Variants in SHROOM2 observed in about 807,000 individuals in gnomAD.
SHROOM2 encodes shroom family member 2, also known as protein Shroom2.
In SHROOM2, 33 loss-of-function variants were observed where a neutral mutation model predicts 75.9. The ratio of observed to expected loss-of-function variants is 0.43; its 90% CI spans 0.33 to 0.58. The LOEUF is 0.58. Ranked by LOEUF, SHROOM2 falls within the 20% of genes least tolerant of loss-of-function variation. The probability of loss-of-function intolerance (pLI) is 0.04; values close to 1 mark genes in which losing one functional copy is unlikely to be tolerated. For missense variants in SHROOM2, 1,434 were observed against 1,461.2 expected, an observed-to-expected ratio of 0.98 and a Z score of 0.30; for synonymous variants, 655 against 663.6, an observed-to-expected ratio of 0.99 and a Z score of 0.20.
At chrX:9,800,332 GTATTAT>G (rs572234520) in intron 1 of SHROOM2, among the ~76,000 whole-genome samples, 1,134 of 109,073 alleles carry the variant, frequency 0.01, 21 homozygotes, top group African/African-American at 0.036. Flanking sequence ...TTTATTTTAT[GTATTAT>G]TATTATTATT....
chrX:9,909,926 GCTGT>G (rs2084412736), intron 5 of SHROOM2, among the ~76,000 whole-genome samples: 1 of 111,760 alleles, frequency 8.9e-6, no homozygotes, highest in Admixed American at 9.5e-5. Flanking sequence ...CTCACAAATG[GCTGT>G]CTCTCTGCTG....
chrX:9,886,827 T>C (rs1248352050), intron 2 of SHROOM2, among the ~76,000 whole-genome samples: 1 of 112,370 alleles, frequency 8.9e-6, no homozygotes, highest in Admixed American at 9.4e-5. Flanking sequence ...CCACATTTTG[T>C]TTGTCCATTC....
chrX:9,892,404 T>TG (rs1177549145), intron 3 of SHROOM2, among the ~76,000 whole-genome samples: 2 of 109,112 alleles, frequency 1.8e-5, no homozygotes, highest in African/African-American at 6.8e-5. Context: ...GTGTATTTTT[T>TG]GGGGAAAAAA....
Position 9,893,983 on chromosome X carries a change from A to G in SHROOM2, c.450-375A>G, listed in dbSNP as rs760161423. 4.4e-4 allele frequency among the ~76,000 whole-genome samples: 48 copies of G among 110,260 alleles called. 1 individual carries two copies. The South Asian group carries it at 0.018, about 42-fold the overall frequency. On this transcript the variant is annotated intron_variant, in intron 3 of 9. Coordinates refer to ENST00000380913, the MANE Select transcript of SHROOM2 (RefSeq NM_001649.4). ...AAAAAAAAAACCAAAATCAACAACAACAACAACCTGAGTTGTGGTGTGGCC... is the reference window on the plus strand; with the variant it reads ...AAAAAAAAAACCAAAATCAACAACAGCAACAACCTGAGTTGTGGTGTGGCC...
At chrX:9,790,811 C>G (rs2083643463) in intron 1 of SHROOM2, among the ~76,000 whole-genome samples, 1 of 111,358 alleles carries the variant, frequency 9.0e-6, no homozygotes, top group Admixed American at 9.6e-5. Context: ...TCTTTATTAC[C>G]TTTTCCCAGC....
chrX:9,829,295 A>G (rs1427372230), intron 1 of SHROOM2, among the ~76,000 whole-genome samples: 1 of 112,453 alleles, frequency 8.9e-6, no homozygotes, highest in East Asian at 2.8e-4. Context: ...AAGTGCTGAG[A>G]TTACAGGCAT....
rs1194223897 is a variant in SHROOM2 at position 9,946,947 on chromosome X, C to A, written c.*10C>A. The stretch of plus-strand genomic sequence containing the variant: ...CGAAAGGGGCAAATAAGAGACCAGT[C>A]CCCGGTGGAGGAGGGGCACGGGGCC... On this transcript the variant is annotated 3_prime_UTR_variant, in exon 10 of 10. Coordinates refer to ENST00000380913, the MANE Select transcript of SHROOM2 (RefSeq NM_001649.4). 2 of 1,181,645 alleles carry A rather than the reference C, an allele frequency of 1.7e-6. No individual in the cohort carries two copies. Among genetic ancestry groups the A allele is most frequent in the Non-Finnish European group, 2.3e-6 (2 of 878,738 alleles).
intron 5 of SHROOM2, among the ~76,000 whole-genome samples, chrX:9,926,710 G>A (rs939560792): frequency 4.5e-5 from 5 of 111,387 alleles, no homozygotes; most frequent in African/African-American, 1.6e-4. Context: ...GCTTTATGAT[G>A]GTTCGGTGGA....
chrX:9,895,959 T>A lies in SHROOM2; in HGVS notation c.2051T>A (p.Leu684Gln). The stretch of plus-strand genomic sequence containing the variant: ...CTCGCTGGCACCTATAAAGACCACC[T>A]GAAAGAGGCCCAAGCCCGGGTCCTG... ...GPLAGTYKDH[L>Q]KEAQARVLRA... is the part of the protein sequence containing the mutation. The change falls in exon 4 of 10, where the codon CTG (leucine) becomes CAG (glutamine). Residue 684 changes from leucine to glutamine, a missense_variant. Leu to Gln is a moderately radical substitution (Grantham distance 113). Transcript: ENST00000380913. 1.7e-6 allele frequency: 2 copies of A among 1,198,058 alleles called. No individual in the cohort carries two copies. The highest frequency in any genetic ancestry group is 2.2e-6 in the Non-Finnish European group (2 of 888,919).
intron 1 of SHROOM2, among the ~76,000 whole-genome samples, chrX:9,844,460 C>T (rs1398427977): frequency 9.1e-6 from 1 of 110,303 alleles, no homozygotes; most frequent in East Asian, 2.8e-4. Flanking sequence ...TGCAGTGAGC[C>T]ATGATCACAC....
intron 1 of SHROOM2, among the ~76,000 whole-genome samples, chrX:9,825,413 G>C (rs926994971): frequency 2.7e-5 from 3 of 112,336 alleles, no homozygotes; most frequent in South Asian, 3.7e-4. Flanking sequence ...GTAAGACTTT[G>C]GGTTTTCACA....
Position 9,947,213 on chromosome X carries a change from G to C in SHROOM2, c.*276G>C. 2 of 352,017 alleles carry C rather than the reference G, an allele frequency of 5.7e-6. No homozygotes were observed. Among genetic ancestry groups the C allele is most frequent in the South Asian group, 5.8e-5 (1 of 17,243 alleles). 29.0% of individuals were successfully genotyped at this position (352,017 alleles called of 1,213,427 possible). On this transcript the variant is annotated 3_prime_UTR_variant, in exon 10 of 10. Transcript: ENST00000380913. ...TGTGAGTTTCCACTGCATGGGCTGT[G>C]GGCTGGGCCTGTGGTGCCTGCCGAG...
In SHROOM2 at chrX:9,948,078, A is replaced by C. The variant is rs2084838332; in HGVS notation, c.*1141A>C. The C allele has an allele frequency of 8.9e-6, 1 of 112,197 alleles. No homozygotes were observed. Among genetic ancestry groups the C allele is most frequent in the South Asian group, 3.7e-4 (1 of 2,723 alleles). 9.2% of individuals were successfully genotyped at this position (112,197 alleles called of 1,213,427 possible). A position where few individuals can be genotyped will look rare whatever the true frequency, so the allele number is the denominator to read the frequency against. ...ATTGACAAGTCACAGACTGGGAGAAAATATTTGCAAATCGTGTATCTGACA... is the reference window on the plus strand; with the variant it reads ...ATTGACAAGTCACAGACTGGGAGAACATATTTGCAAATCGTGTATCTGACA... On this transcript the variant is annotated 3_prime_UTR_variant, in exon 10 of 10. Transcript: ENST00000380913.
rs772299955 is a variant in SHROOM2, at chrX:9,837,588, G to C, written c.166-36064G>C. On this transcript the variant is annotated intron_variant, in intron 1 of 9. Coordinates refer to ENST00000380913, the MANE Select transcript of SHROOM2 (RefSeq NM_001649.4). ...GTTTTGGTGGCGGGGAGGCTCACAG[G>C]AGAGTGGGCGCTGGGCTGTGCTCTG... Among the ~76,000 whole-genome samples, 10 of 112,512 alleles carry C rather than the reference G, an allele frequency of 8.9e-5. No homozygotes were observed. The South Asian group carries it at 3.7e-3, about 42-fold the overall frequency.
chrX:9,806,859 G>C (rs2083755909), intron 1 of SHROOM2, among the ~76,000 whole-genome samples: 1 of 110,879 alleles, frequency 9.0e-6, no homozygotes, highest in Admixed American at 9.6e-5. Flanking sequence ...AAGTAGCTGG[G>C]ATTACAAGCC....
intron 1 of SHROOM2, among the ~76,000 whole-genome samples, chrX:9,805,905 A>G (rs1216804405): frequency 2.4e-5 from 2 of 81,676 alleles, no homozygotes; most frequent in Non-Finnish European, 4.0e-5. Flanking sequence ...CTGTGTCTCA[A>G]AAAAAAAAAA....
intron 3 of SHROOM2, among the ~76,000 whole-genome samples, chrX:9,893,397 G>A (rs1033868310): frequency 8.9e-6 from 1 of 111,858 alleles, no homozygotes; most frequent in African/African-American, 3.2e-5. Flanking sequence ...TCAAAGCACT[G>A]GGATTTCAGG....
At chrX:9,926,457 T>A (rs2084594884) in intron 5 of SHROOM2, among the ~76,000 whole-genome samples, 1 of 111,966 alleles carries the variant, frequency 8.9e-6, no homozygotes, top group African/African-American at 3.2e-5. Flanking sequence ...TGCTGTTTGC[T>A]GTTGCTGGCG....
chrX:9,797,685 C>T (rs926487949), intron 1 of SHROOM2, among the ~76,000 whole-genome samples: 1 of 112,107 alleles, frequency 8.9e-6, no homozygotes, highest in Non-Finnish European at 1.9e-5. Context: ...CCCCACCCCC[C>T]ACTTGCTCTT....
Sources: gnomAD v4.1 joint callset for allele counts (sites outside exome capture counted in the v4.1 genomes callset) on GRCh38, gnomAD v4.1.1 for gene constraint, MANE v1.5 for transcripts, NCBI Gene and HGNC (gene_info 2026-07-23, HGNC 2026-07-21) for gene names.